Variants in HELZ observed in about 807,000 individuals in gnomAD.
The protein encoded by HELZ is ATP-dependent RNA helicase with zinc finger domain.
In HELZ, 23 loss-of-function variants were observed where a neutral mutation model predicts 218.2. The observed-to-expected ratio is 0.11, with a 90% confidence interval of 0.08 to 0.15. HELZ has a LOEUF of 0.15. Ranked by LOEUF, HELZ falls within the 10% of genes least tolerant of loss-of-function variation. The pLI is 1.00. For synonymous variants in HELZ, 814 were observed against 829.4 expected, an observed-to-expected ratio of 0.98 and a Z score of 0.32; for missense variants, 1,813 against 2,353.7, an observed-to-expected ratio of 0.77 and a Z score of 4.75.
intron 5 of HELZ, among the ~76,000 whole-genome samples, chr17:67,211,022 A>G (rs1187097540): frequency 6.6e-6 from 1 of 152,214 alleles, no homozygotes; most frequent in Non-Finnish European, 1.5e-5. Context: ...TGTTCAGACA[A>G]TGAAAAGTGA....
At chr17:67,139,804 C>T (rs2038267127) in intron 21 of HELZ, among the ~76,000 whole-genome samples, 1 of 152,210 alleles carries the variant, frequency 6.6e-6, no homozygotes, top group Admixed American at 6.5e-5. Flanking sequence ...ATCGCCCTAG[C>T]TCCCTCCTAT....
At chr17:67,244,281 T>C (rs866595744) in intron 1 of HELZ, among the ~76,000 whole-genome samples, 69 of 152,090 alleles carry the variant, frequency 4.5e-4, no homozygotes, top group African/African-American at 1.4e-3. Context: ...TGAGAAGTGT[T>C]AAGTTGTGAG....
At chr17:67,225,483 C>T (rs532239916) in intron 3 of HELZ, 3 of 153,694 alleles carry the variant, frequency 2.0e-5, no homozygotes, top group African/African-American at 7.2e-5. Flanking sequence ...CCAAATGTGA[C>T]AGTGAAATAT....
chr17:67,126,927 C>T (rs1265354465), intron 24 of HELZ, among the ~76,000 whole-genome samples: 4 of 152,128 alleles, frequency 2.6e-5, no homozygotes, highest in Non-Finnish European at 5.9e-5. Context: ...AGTCATGTCC[C>T]CTGTTCTCTT....
intron 2 of HELZ, among the ~76,000 whole-genome samples, chr17:67,241,285 T>C (rs2041307733): frequency 2.6e-5 from 4 of 152,262 alleles, no homozygotes; most frequent in African/African-American, 9.6e-5. Flanking sequence ...ATAACTGTTG[T>C]TGATACACCT....
intron 13 of HELZ, among the ~76,000 whole-genome samples, chr17:67,174,278 T>C (rs1398763663): frequency 6.6e-6 from 1 of 152,078 alleles, no homozygotes; most frequent in African/African-American, 2.4e-5. Context: ...AGAGCCTTTT[T>C]TCAATCTACT....
At chr17:67,224,664 T>C (rs924359495) in intron 3 of HELZ, 12 of 684,094 alleles carry the variant, frequency 1.8e-5, no homozygotes, top group South Asian at 4.2e-5. Flanking sequence ...TAGTGTGATA[T>C]ATGATTCTTC....
At chr17:67,145,387 A>G (rs1305583274) in intron 21 of HELZ, among the ~76,000 whole-genome samples, 1 of 152,192 alleles carries the variant, frequency 6.6e-6, no homozygotes, top group Non-Finnish European at 1.5e-5. Flanking sequence ...TTCAAGTCTT[A>G]TTCATTTAAA....
chr17:67,148,541 T>A, intron 20 of HELZ, 28 bp downstream of exon 20: 1 of 1,593,310 alleles, frequency 6.3e-7, no homozygotes, highest in East Asian at 2.2e-5. Flanking sequence ...AACGAAAGTA[T>A]GACACGGAGG....
intron 22 of HELZ, among the ~76,000 whole-genome samples, 196 bp downstream of exon 22, chr17:67,137,731 ATACT>A (rs2038197976): frequency 6.6e-6 from 1 of 152,204 alleles, no homozygotes; most frequent in Non-Finnish European, 1.5e-5. Flanking sequence ...ATATTTGTTA[ATACT>A]TATTTTATTT....
At chr17:67,139,714 T>C (rs1271393641) in intron 21 of HELZ, among the ~76,000 whole-genome samples, 1 of 152,192 alleles carries the variant, frequency 6.6e-6, no homozygotes. Context: ...CAGTGGAAGG[T>C]TGAGGCCTAC....
chr17:67,089,199 C>T (rs1165193342), intron 31 of HELZ, among the ~76,000 whole-genome samples: 2 of 152,282 alleles, frequency 1.3e-5, no homozygotes, highest in African/African-American at 2.4e-5. Flanking sequence ...ATACAGAACA[C>T]TAAATATACT....
At chr17:67,238,465 T>G (rs368647400) in intron 3 of HELZ, among the ~76,000 whole-genome samples, 32 of 151,988 alleles carry the variant, frequency 2.1e-4, no homozygotes, top group African/African-American at 7.7e-4. Flanking sequence ...GTGGATCACC[T>G]GAGGTCAGGG....
intron 14 of HELZ, among the ~76,000 whole-genome samples, chr17:67,166,987 C>T (rs911596160): frequency 2.6e-5 from 4 of 152,052 alleles, no homozygotes; most frequent in Admixed American, 1.3e-4. Context: ...AGTATCCAGT[C>T]GTGAGAGATG....
chr17:67,139,442 G>A (rs377681846), intron 21 of HELZ, among the ~76,000 whole-genome samples: 120 of 152,142 alleles, frequency 7.9e-4, no homozygotes, highest in African/African-American at 2.8e-3. Flanking sequence ...CCTCTGCTGC[G>A]CCCTCCCACC....
At position 67,189,626 on chromosome 17, in the gene HELZ, T is replaced by A. The variant is rs2039843814; in HGVS notation, c.827A>T (p.Lys276Ile). Residue 276 changes from lysine to isoleucine, a missense_variant, in exon 11 of 33, where the codon AAA becomes ATA. Transcript: ENST00000358691. ...PDLSVTVSTK[K>I]SHQTWTFALT... is the part of the protein sequence containing the mutation. ...AGCAAAGGTCCATGTCTGGTGGGAT[T>A]TTTTGGTGCTGACAGTAACTGACAG... is the stretch of plus-strand genomic sequence containing the variant. The A allele has an allele frequency of 1.2e-6, 2 of 1,613,682 alleles. No homozygotes were observed. The highest frequency in any genetic ancestry group is 2.2e-5 in the East Asian group (1 of 44,852).
At chr17:67,226,240 A>G (rs2040886478) in intron 3 of HELZ, among the ~76,000 whole-genome samples, 2 of 149,012 alleles carry the variant, frequency 1.3e-5, no homozygotes, top group African/African-American at 5.0e-5. Context: ...GCCTAGCAAC[A>G]GGGTGAGACT....
chr17:67,243,986 AG>A (rs1347096569), intron 1 of HELZ, 147 bp from the exon 2 acceptor site: 1 of 985,226 alleles, frequency 1.0e-6, no homozygotes, highest in African/African-American at 1.7e-5. Context: ...TTTGCAAATG[AG>A]TCTGGTTTTT....
rs1466976292 is a variant in HELZ, at chr17:67,073,269, A to T, written c.*4983T>A. On this transcript the variant is annotated 3_prime_UTR_variant, in exon 33 of 33. Coordinates refer to ENST00000358691, the MANE Select transcript of HELZ (RefSeq NM_014877.4). ...GTTCTAAGGCAGGCAATCACATGCT[A>T]GTATGCAAAGTAAAATACAGAAGAG... 6.6e-6 allele frequency: 1 copy of T among 152,658 alleles called. No homozygotes were observed. The highest frequency in any genetic ancestry group is 1.9e-4 in the East Asian group (1 of 5,200). The allele number at this position is 152,658 out of a possible 1,614,324, so 9.5% of individuals were successfully genotyped here.
Sources: gnomAD v4.1 joint callset for allele counts (sites outside exome capture counted in the v4.1 genomes callset) on GRCh38, gnomAD v4.1.1 for gene constraint, MANE v1.5 for transcripts, NCBI Gene and HGNC (gene_info 2026-07-23, HGNC 2026-07-21) for gene names.